GRID1: variants seen among roughly 807,000 people sequenced by gnomAD.
GRID1 encodes the protein glutamate receptor ionotropic, delta-1.
GRID1 carries 28 observed loss-of-function variants against 98.0 expected under a neutral mutation model. The ratio of observed to expected loss-of-function variants is 0.29; its 90% CI spans 0.21 to 0.39. The LOEUF (loss-of-function observed/expected upper bound fraction) is 0.39. Ranked by LOEUF, GRID1 falls within the 10% of genes least tolerant of loss-of-function variation. The pLI is 1.00. For synonymous variants in GRID1, 553 were observed against 538.5 expected, an observed-to-expected ratio of 1.03 and a Z score of -0.37; for missense variants, 1,111 against 1,340.5, an observed-to-expected ratio of 0.83 and a Z score of 2.67.
chr10:85,713,072 A>G (rs1337901258), intron 12 of GRID1, among the ~76,000 whole-genome samples: 1 of 151,720 alleles, frequency 6.6e-6, no homozygotes. Context: ...ATCGGGGCAG[A>G]AATAAATAAA....
At chr10:85,718,369 G>A (rs746744685) in intron 12 of GRID1, among the ~76,000 whole-genome samples, 1 of 150,438 alleles carries the variant, frequency 6.6e-6, no homozygotes, top group Non-Finnish European at 1.5e-5. Flanking sequence ...TTCCACATAT[G>A]GAGTCCACAC....
intron 4 of GRID1, among the ~76,000 whole-genome samples, chr10:85,928,083 T>C (rs79236065): frequency 0.039 from 5,949 of 152,214 alleles, 381 homozygotes; most frequent in African/African-American, 0.14. Flanking sequence ...TAAAGACAGA[T>C]GCTGGATAGG....
intron 2 of GRID1, among the ~76,000 whole-genome samples, chr10:86,215,836 G>A (rs998270900): frequency 7.2e-5 from 11 of 151,994 alleles, no homozygotes; most frequent in Admixed American, 1.3e-4. Flanking sequence ...TGACAAGCAC[G>A]CCCTTGAAAT....
chr10:85,724,206 G>C, intron 11 of GRID1, 146 bp downstream of exon 11: 1 of 579,682 alleles, frequency 1.7e-6, no homozygotes, highest in Non-Finnish European at 3.0e-6. Flanking sequence ...GAGAAATTGG[G>C]TGCAGCATGA....
Position 86,361,729 on chromosome 10 carries a change from A to T in GRID1, c.235+2212T>A, listed in dbSNP as rs182487802. 1.2e-3 allele frequency among the ~76,000 whole-genome samples: 182 copies of T among 152,364 alleles called. 1 individual carries two copies. Among genetic ancestry groups the T allele is most frequent in the African/African-American group, 3.9e-3 (161 of 41,590 alleles). ...GCAATAGCTTTAAATCAAAATTTACATTAAGGTCCAGATTTGGGGCTCCTC... is the reference window on the plus strand; with the variant it reads ...GCAATAGCTTTAAATCAAAATTTACTTTAAGGTCCAGATTTGGGGCTCCTC... On this transcript the variant is annotated intron_variant, in intron 2 of 15. Coordinates refer to ENST00000327946, the MANE Select transcript of GRID1 (RefSeq NM_017551.3).
At position 85,903,928 on chromosome 10, in the gene GRID1, A is replaced by G. The variant is rs192772055; in HGVS notation, c.780+12258T>C. Among the ~76,000 whole-genome samples, 370 of 152,294 alleles carry G rather than the reference A, an allele frequency of 2.4e-3. 1 individual carries two copies. Among genetic ancestry groups the G allele is most frequent in the Non-Finnish European group, 4.3e-3 (292 of 68,004 alleles). On this transcript the variant is annotated intron_variant, in intron 5 of 15. Transcript: ENST00000327946. ...CAAATAGATTTCTCATGGGCACCCT[A>G]TGTAAAGTGGAATCCATTCCTTCTC... is the stretch of plus-strand genomic sequence containing the variant.
intron 4 of GRID1, among the ~76,000 whole-genome samples, chr10:86,052,790 T>A (rs1986559): frequency 0.071 from 10,817 of 152,262 alleles, 456 homozygotes; most frequent in African/African-American, 0.11. Context: ...AGGCATACAA[T>A]TATACACCAC....
At chr10:85,628,918 T>C (rs533493581) in intron 13 of GRID1, among the ~76,000 whole-genome samples, 28 of 152,096 alleles carry the variant, frequency 1.8e-4, no homozygotes, top group Admixed American at 5.9e-4. Context: ...GGCCTCTGGC[T>C]TGTGTGGCAT....
chr10:85,693,525 T>C (rs1012137647), intron 12 of GRID1, among the ~76,000 whole-genome samples: 2 of 151,904 alleles, frequency 1.3e-5, no homozygotes, highest in Admixed American at 6.6e-5. Context: ...CACAAAGATG[T>C]TAATAATATA....
At chr10:86,249,714 C>T (rs1846790255) in intron 2 of GRID1, among the ~76,000 whole-genome samples, 1 of 152,200 alleles carries the variant, frequency 6.6e-6, no homozygotes, top group Non-Finnish European at 1.5e-5. Context: ...CATCACTTTG[C>T]TAATGCTCAG....
chr10:86,076,556 G>T (rs529621634), intron 4 of GRID1, among the ~76,000 whole-genome samples: 90 of 152,196 alleles, frequency 5.9e-4, no homozygotes, highest in Non-Finnish European at 9.0e-4. Flanking sequence ...GCGGAAGCTG[G>T]CAAGTCCACA....
intron 12 of GRID1, among the ~76,000 whole-genome samples, chr10:85,676,707 C>T (rs903671807): frequency 1.3e-5 from 2 of 152,208 alleles, no homozygotes; most frequent in African/African-American, 4.8e-5. Flanking sequence ...GCACTGAGCA[C>T]CTTGGAAGCA....
intron 2 of GRID1, among the ~76,000 whole-genome samples, chr10:86,213,274 A>G (rs1483637245): frequency 6.6e-6 from 1 of 152,092 alleles, no homozygotes; most frequent in Non-Finnish European, 1.5e-5. Context: ...AGGGCCACAG[A>G]GAGTACCACG....
At chr10:86,198,225 G>A (rs1264132827) in intron 3 of GRID1, among the ~76,000 whole-genome samples, 1 of 152,076 alleles carries the variant, frequency 6.6e-6, no homozygotes, top group Non-Finnish European at 1.5e-5. Flanking sequence ...AGGCATGATG[G>A]CTCTTCGGAG....
chr10:85,688,064 T>C (rs1439952311), intron 12 of GRID1, among the ~76,000 whole-genome samples: 1 of 152,218 alleles, frequency 6.6e-6, no homozygotes, highest in Admixed American at 6.5e-5. Context: ...GCACAGGTTA[T>C]TGAATGGAAA....
At chr10:85,672,500 G>A (rs1260253346) in intron 12 of GRID1, among the ~76,000 whole-genome samples, 1 of 152,048 alleles carries the variant, frequency 6.6e-6, no homozygotes, top group Non-Finnish European at 1.5e-5. Flanking sequence ...TTGAGATTGG[G>A]TTTCACCATG....
At chr10:85,623,535 G>C (rs1842879824) in intron 13 of GRID1, among the ~76,000 whole-genome samples, 1 of 152,108 alleles carries the variant, frequency 6.6e-6, no homozygotes, top group African/African-American at 2.4e-5. Context: ...CCCCACTACG[G>C]GGGGCTGGGG....
At chr10:85,696,018 T>A (rs1841389162) in intron 12 of GRID1, among the ~76,000 whole-genome samples, 1 of 152,178 alleles carries the variant, frequency 6.6e-6, no homozygotes, top group African/African-American at 2.4e-5. Flanking sequence ...AAGCTTTATC[T>A]TGAACTATTC....
At chr10:85,642,148 T>C (rs1187862218) in intron 13 of GRID1, among the ~76,000 whole-genome samples, 1 of 152,178 alleles carries the variant, frequency 6.6e-6, no homozygotes, top group Non-Finnish European at 1.5e-5. Flanking sequence ...CCACATATCT[T>C]TATCACAACT....
Sources: gnomAD v4.1 joint callset for allele counts (sites outside exome capture counted in the v4.1 genomes callset) on GRCh38, gnomAD v4.1.1 for gene constraint, MANE v1.5 for transcripts, NCBI Gene and HGNC (gene_info 2026-07-23, HGNC 2026-07-21) for gene names.